TBC1D9: variants seen among roughly 807,000 people sequenced by gnomAD.
The protein encoded by TBC1D9 is TBC1 domain family member 9.
In TBC1D9, 63 loss-of-function variants were observed where a neutral mutation model predicts 132.0. The observed-to-expected ratio is 0.48, with a 90% CI of 0.39 to 0.59. The LOEUF (loss-of-function observed/expected upper bound fraction) is 0.59, where lower values mean the gene tolerates loss of function less well. TBC1D9 is among the 20% of genes least tolerant of loss of function. TBC1D9 has a pLI of 0.00. For synonymous variants in TBC1D9, 610 were observed against 609.9 expected (o/e 1.00, Z 0.00); for missense variants, 1,261 against 1,592.7 (o/e 0.79, Z 3.54).
chr4:140,742,401 G>A (rs931891452), intron 1 of TBC1D9, among the ~76,000 whole-genome samples: 6 of 151,680 alleles, frequency 4.0e-5, no homozygotes, highest in South Asian at 2.1e-4. Context: ...GCATGGTGGC[G>A]GGCATCTGTA....
At chr4:140,654,808 TTTTTTTTAATCTAA>T (rs1388884378) in intron 13 of TBC1D9, among the ~76,000 whole-genome samples, 1 of 152,180 alleles carries the variant, frequency 6.6e-6, no homozygotes, top group Non-Finnish European at 1.5e-5. Flanking sequence ...GATCATTCTT[TTTTTTTTAATCTAA>T]TTTTTTTAAT....
intron 18 of TBC1D9, 63 bp from the exon 19 acceptor site, chr4:140,624,451 A>G: frequency 6.9e-7 from 1 of 1,450,032 alleles, no homozygotes; most frequent in Middle Eastern, 1.7e-4. Flanking sequence ...TGGAATTAGC[A>G]TTTGTAGTGG....
At chr4:140,652,793 G>A (rs1737207208) in intron 13 of TBC1D9, among the ~76,000 whole-genome samples, 1 of 152,196 alleles carries the variant, frequency 6.6e-6, no homozygotes, top group African/African-American at 2.4e-5. Flanking sequence ...TAATAAGCCA[G>A]AGACACATTA....
chr4:140,725,378 G>A (rs1316964266), intron 1 of TBC1D9, among the ~76,000 whole-genome samples: 1 of 152,118 alleles, frequency 6.6e-6, no homozygotes, highest in Non-Finnish European at 1.5e-5. Context: ...TCCAAGTTAA[G>A]GAATTCAAGA....
At chr4:140,724,348 C>T (rs1022137362) in intron 1 of TBC1D9, among the ~76,000 whole-genome samples, 2 of 152,166 alleles carry the variant, frequency 1.3e-5, no homozygotes, top group Non-Finnish European at 2.9e-5. Context: ...CACCAGCTCC[C>T]TGAAGCTATG....
At chr4:140,734,704 A>C (rs564461928) in intron 1 of TBC1D9, among the ~76,000 whole-genome samples, 1 of 152,272 alleles carries the variant, frequency 6.6e-6, no homozygotes, top group Admixed American at 6.5e-5. Context: ...TTGAGGTGGG[A>C]AGAACGTTTG....
chr4:140,680,136 T>C (rs1737682411), intron 3 of TBC1D9, among the ~76,000 whole-genome samples: 1 of 152,250 alleles, frequency 6.6e-6, no homozygotes, highest in Admixed American at 6.5e-5. Context: ...AAGATTTTGC[T>C]AGTCCTAGTG....
intron 9 of TBC1D9, among the ~76,000 whole-genome samples, chr4:140,663,774 A>G (rs975527338): frequency 2.6e-5 from 4 of 152,158 alleles, no homozygotes; most frequent in African/African-American, 9.7e-5. Flanking sequence ...ATGCTAAGTG[A>G]AATAAGCCAG....
chr4:140,641,950 T>G, intron 13 of TBC1D9: 2 of 518,082 alleles, frequency 3.9e-6, no homozygotes, highest in Admixed American at 6.6e-5. Flanking sequence ...TGTTTGGAGA[T>G]AGTAACCTTA....
intron 1 of TBC1D9, among the ~76,000 whole-genome samples, chr4:140,733,589 A>C (rs1260524630): frequency 1.3e-5 from 2 of 152,182 alleles, no homozygotes; most frequent in African/African-American, 4.8e-5. Context: ...AATCTTATTG[A>C]CTATACCTGG....
intron 13 of TBC1D9, chr4:140,644,188 T>C (rs1156842439): frequency 5.9e-6 from 2 of 339,138 alleles, no homozygotes; most frequent in Non-Finnish European, 1.1e-5. Flanking sequence ...AACGGATACC[T>C]GGGCGGCATA....
chr4:140,718,821 G>A (rs1578854741), intron 1 of TBC1D9, among the ~76,000 whole-genome samples: 2 of 152,200 alleles, frequency 1.3e-5, no homozygotes, highest in East Asian at 1.9e-4. Context: ...GCTCACACCC[G>A]TAATCCCAGC....
intron 1 of TBC1D9, among the ~76,000 whole-genome samples, chr4:140,752,750 C>A (rs1376308754): frequency 1.3e-5 from 2 of 152,104 alleles, no homozygotes; most frequent in Non-Finnish European, 2.9e-5. Context: ...GAATCAGGAA[C>A]CTAGAATATC....
intron 5 of TBC1D9, among the ~76,000 whole-genome samples, chr4:140,677,859 G>T (rs1266155617): frequency 6.6e-6 from 1 of 152,052 alleles, no homozygotes; most frequent in African/African-American, 2.4e-5. Context: ...GGACACACAA[G>T]CATCCTTTCC....
At chr4:140,690,117 G>T (rs1737854506) in intron 2 of TBC1D9, among the ~76,000 whole-genome samples, 1 of 151,902 alleles carries the variant, frequency 6.6e-6, no homozygotes, top group African/African-American at 2.4e-5. Flanking sequence ...TAGCAGAAAT[G>T]GTATATGCCC....
chr4:140,679,456 A>G (rs1737672971), intron 4 of TBC1D9, among the ~76,000 whole-genome samples, 159 bp downstream of exon 4: 1 of 152,002 alleles, frequency 6.6e-6, no homozygotes, highest in Non-Finnish European at 1.5e-5. Flanking sequence ...ACCATTTTGA[A>G]CTGAAAAATA....
chr4:140,684,411 A>G (rs1460738831), intron 3 of TBC1D9, among the ~76,000 whole-genome samples: 2 of 152,138 alleles, frequency 1.3e-5, no homozygotes, highest in Non-Finnish European at 2.9e-5. Context: ...ATTATTGGAC[A>G]ATATGTGAAT....
chr4:140,717,891 G>A (rs570715361), intron 1 of TBC1D9, among the ~76,000 whole-genome samples: 1 of 152,276 alleles, frequency 6.6e-6, no homozygotes, highest in East Asian at 1.9e-4. Flanking sequence ...TGGTACCCCA[G>A]GAAATGATGA....
chr4:140,751,412 T>G (rs545523106), intron 1 of TBC1D9, among the ~76,000 whole-genome samples: 3 of 152,264 alleles, frequency 2.0e-5, no homozygotes, highest in African/African-American at 7.2e-5. Flanking sequence ...TAACCCCTAC[T>G]TCACACAATA....
Sources: allele counts gnomAD v4.1 joint callset (sites outside exome capture counted in the v4.1 genomes callset), GRCh38; gene constraint gnomAD v4.1.1; transcripts MANE v1.5; gene names NCBI Gene and HGNC (gene_info 2026-07-23, HGNC 2026-07-21).